The following RXRA variants were observed in gnomAD, a reference collection of about 807,000 sequenced individuals.
The protein encoded by RXRA is retinoic acid receptor RXR-alpha.
RXRA carries 5 observed loss-of-function variants against 44.5 expected under a neutral mutation model. The ratio of observed to expected loss-of-function variants is 0.11; its 90% confidence interval spans 0.06 to 0.24. The LOEUF (loss-of-function observed/expected upper bound fraction) is 0.24, where lower values mean the gene tolerates loss of function less well. Among genes scored for constraint, RXRA ranks in the 10% least tolerant of loss-of-function variants. The pLI, the probability that RXRA is intolerant of heterozygous loss-of-function variation, is 1.00. For synonymous variants in RXRA, 291 were observed against 271.4 expected, an observed-to-expected ratio of 1.07 and a Z score of -0.71; for missense variants, 412 against 646.5, an observed-to-expected ratio of 0.64 and a Z score of 3.93.
intron 1 of RXRA, among the ~76,000 whole-genome samples, chr9:134,346,732 G>T (rs782600664): frequency 6.6e-6 from 1 of 152,228 alleles, no homozygotes; most frequent in Non-Finnish European, 1.5e-5. Flanking sequence ...CCCACTGTCT[G>T]CTCGCACTTG....
rs76421116 is a variant in RXRA at position 134,390,667 on chromosome 9, G to A, written c.29-10965G>A. Among the ~76,000 whole-genome samples the A allele has an allele frequency of 4.6e-3, 699 of 152,316 alleles. 5 individuals are homozygous for A. The highest frequency in any genetic ancestry group is 0.016 in the African/African-American group (648 of 41,580). ...TGGGCTGGTGTCGTTGAGCTCCGCCGCAGCCCTGGGAGTGGCAGAGGCAGG... is the reference window on the plus strand; with the variant it reads ...TGGGCTGGTGTCGTTGAGCTCCGCCACAGCCCTGGGAGTGGCAGAGGCAGG... On this transcript the variant is annotated intron_variant, in intron 1 of 9. Transcript: ENST00000481739.
chr9:134,332,996 C>T (rs905319766), intron 1 of RXRA, among the ~76,000 whole-genome samples: 5 of 152,132 alleles, frequency 3.3e-5, no homozygotes, highest in African/African-American at 7.2e-5. Context: ...GGGTGAGGCA[C>T]CTTTTCCCTG....
intron 6 of RXRA, among the ~76,000 whole-genome samples, chr9:134,428,679 C>G (rs1241096740): frequency 2.0e-5 from 3 of 152,228 alleles, no homozygotes; most frequent in Non-Finnish European, 2.9e-5. Context: ...GTTGGATAAC[C>G]TGCTGTTTGG....
rs1830418208 is a variant in RXRA at position 134,366,632 on chromosome 9, G to A, written c.29-35000G>A. Among the ~76,000 whole-genome samples, 1 of 152,130 alleles carries A rather than the reference G, an allele frequency of 6.6e-6. No individual in the cohort carries two copies. Among genetic ancestry groups the A allele is most frequent in the Non-Finnish European group, 1.5e-5 (1 of 68,006 alleles). On this transcript the variant is annotated intron_variant, in intron 1 of 9. Coordinates refer to ENST00000481739, the MANE Select transcript of RXRA (RefSeq NM_002957.6). This position sits in a 1 kb window ranked among gnomAD's most constrained non-coding sequence, Gnocchi z 5.9. ...AGGGCCCCTCCACTAGTGGGCTTTG[G>A]CCTCCTCGTGAGGAGCTGGGTGGGG...
intron 3 of RXRA, 79 bp from the exon 4 acceptor site, chr9:134,408,861 A>C: frequency 7.6e-7 from 1 of 1,313,500 alleles, no homozygotes; most frequent in Non-Finnish European, 1.0e-6. Flanking sequence ...GCCAGCTGGT[A>C]GTGGCGGCGT....
intron 1 of RXRA, among the ~76,000 whole-genome samples, chr9:134,399,016 A>C (rs1588287218): frequency 6.6e-6 from 1 of 152,272 alleles, no homozygotes; most frequent in East Asian, 1.9e-4. Context: ...GGCTTGGATA[A>C]GGAGGGCCCA....
chr9:134,412,988 C>T (rs1046445072), intron 4 of RXRA, among the ~76,000 whole-genome samples: 2 of 152,208 alleles, frequency 1.3e-5, no homozygotes, highest in East Asian at 1.9e-4. Context: ...CGTGTGTGCA[C>T]CTATGTGTGC....
At chr9:134,359,562 G>A (rs922599238) in intron 1 of RXRA, among the ~76,000 whole-genome samples, 7 of 152,160 alleles carry the variant, frequency 4.6e-5, no homozygotes, top group Non-Finnish European at 7.4e-5. Flanking sequence ...GAGGGTGCCC[G>A]CCTGGGGAGG....
intron 9 of RXRA, among the ~76,000 whole-genome samples, chr9:134,434,977 G>T (rs1831593886): frequency 6.6e-6 from 1 of 152,192 alleles, no homozygotes; most frequent in African/African-American, 2.4e-5. Flanking sequence ...CCCTCATCTG[G>T]CTTGGTTTAA....
chr9:134,415,831 G>A (rs1464401645), intron 4 of RXRA, among the ~76,000 whole-genome samples: 1 of 152,214 alleles, frequency 6.6e-6, no homozygotes, highest in Non-Finnish European at 1.5e-5. Context: ...ACTGGAGTAG[G>A]GGCGTGGAGC....
Position 134,438,346 on chromosome 9 carries a change from C to T in RXRA, c.*1732C>T, listed in dbSNP as rs1831664679. 4 of 152,384 alleles carry T rather than the reference C, an allele frequency of 2.6e-5. No homozygotes were observed. In the South Asian group the frequency reaches 8.3e-4, roughly 32 times the overall value. 9.4% of individuals were successfully genotyped at this position (152,384 alleles called of 1,614,324 possible). A position where few individuals can be genotyped will look rare whatever the true frequency, so the allele number is the denominator to read the frequency against. ...CAGCCTTGGTGGGGAAGAAAGTGTC[C>T]ATTCTTTGCCTTCCTGGAGCTCCCA... On this transcript the variant is annotated 3_prime_UTR_variant, in exon 10 of 10. Transcript: ENST00000481739.
chr9:134,336,562 C>T (rs1343484381), intron 1 of RXRA, among the ~76,000 whole-genome samples: 4 of 152,170 alleles, frequency 2.6e-5, no homozygotes, highest in African/African-American at 9.7e-5. Flanking sequence ...CGGCCGGAGC[C>T]TTGGTGGATG....
At chr9:134,431,357 AT>A (rs1260647751) in intron 7 of RXRA, among the ~76,000 whole-genome samples, 1 of 151,922 alleles carries the variant, frequency 6.6e-6, no homozygotes, top group African/African-American at 2.4e-5. Context: ...AGGCTGGTGG[AT>A]TTTTTTTCTC....
chr9:134,355,681 G>T (rs1830274751), intron 1 of RXRA, among the ~76,000 whole-genome samples: 1 of 152,148 alleles, frequency 6.6e-6, no homozygotes, highest in Non-Finnish European at 1.5e-5. Context: ...GGAGCTGTGT[G>T]CACCCCCGCT....
chr9:134,373,984 G>C (rs941505196), intron 1 of RXRA: 1 of 152,302 alleles, frequency 6.6e-6, no homozygotes, highest in Non-Finnish European at 1.5e-5. Flanking sequence ...CTCCCAGCCT[G>C]GTTTTTCTCT....
rs571507872 is a variant in RXRA, at chr9:134,344,270, C to T, written c.28+17611C>T. On this transcript the variant is annotated intron_variant, in intron 1 of 9. Coordinates refer to ENST00000481739, the MANE Select transcript of RXRA (RefSeq NM_002957.6). ...GGCATGTGCGGAGGCTGTGGTGTGT[C>T]TCCTCCCTGGGTGGAGGAGTGGGTA... Among the ~76,000 whole-genome samples the T allele has an allele frequency of 9.9e-5, 15 of 152,222 alleles. No individual in the cohort carries two copies. In the South Asian group the frequency reaches 1.2e-3, roughly 13 times the overall value.
rs796926423 is a variant in RXRA at position 134,380,282 on chromosome 9, T to C, written c.29-21350T>C. The C allele has an allele frequency of 6.7e-5, 54 of 800,952 alleles. No homozygotes were observed. In the African/African-American group the frequency reaches 9.5e-4, roughly 14 times the overall value. The allele number at this position is 800,952 out of a possible 1,614,324, so 49.6% of individuals were successfully genotyped here. A position where few individuals can be genotyped will look rare whatever the true frequency, so the allele number is the denominator to read the frequency against. On this transcript the variant is annotated intron_variant, in intron 1 of 9. Transcript: ENST00000481739. ...GCCGGGGCACTGTGAGCTGGCGTGC[T>C]GAGGCTGGCCTGCCCGTGGCTTGGC...
chr9:134,437,971 C>A lies in RXRA; in HGVS notation c.*1357C>A, dbSNP rs1831654768. 6.6e-6 allele frequency: 1 copy of A among 152,256 alleles called. No individual in the cohort carries two copies. Among genetic ancestry groups the A allele is most frequent in the South Asian group, 2.1e-4 (1 of 4,844 alleles). 9.4% of individuals were successfully genotyped at this position (152,256 alleles called of 1,614,324 possible). A position where few individuals can be genotyped will look rare whatever the true frequency, so the allele number is the denominator to read the frequency against. On this transcript the variant is annotated 3_prime_UTR_variant, in exon 10 of 10. Coordinates refer to ENST00000481739, the MANE Select transcript of RXRA (RefSeq NM_002957.6). Reference sequence around the variant, plus strand: ...GCCTCCCTGGCTCAGCCCAGTGCGGCCTGGCGCTCCTCCCGCAGGCTCTGC... The same window carrying A: ...GCCTCCCTGGCTCAGCCCAGTGCGGACTGGCGCTCCTCCCGCAGGCTCTGC...
intron 1 of RXRA, among the ~76,000 whole-genome samples, chr9:134,392,100 G>A (rs569131791): frequency 6.6e-6 from 1 of 152,220 alleles, no homozygotes; most frequent in Non-Finnish European, 1.5e-5. Flanking sequence ...GGCAAGCCCC[G>A]GTGTCAGAGC....
Sources: allele counts gnomAD v4.1 joint callset (sites outside exome capture counted in the v4.1 genomes callset), GRCh38; gene constraint gnomAD v4.1.1; non-coding constraint Gnocchi (gnomAD v3.1); transcripts MANE v1.5; gene names NCBI Gene and HGNC (gene_info 2026-07-23, HGNC 2026-07-21).